The following UTRN variants were observed in gnomAD, a reference collection of about 807,000 sequenced individuals.
UTRN encodes dystrophin-related protein 1.
A neutral mutation model predicts 463.9 loss-of-function variants in UTRN; 283 were observed. That is an observed-to-expected ratio of 0.61 (90% CI 0.55 to 0.67). The LOEUF (loss-of-function observed/expected upper bound fraction) is 0.67, where lower values mean the gene tolerates loss of function less well. Ranked by LOEUF, UTRN falls within the 30% of genes least tolerant of loss-of-function variation. UTRN has a pLI of 0.00. For synonymous variants in UTRN, 1,442 were observed against 1,431.5 expected, an observed-to-expected ratio of 1.01 and a Z score of -0.17; for missense variants, 3,922 against 4,084.3, an observed-to-expected ratio of 0.96 and a Z score of 1.08.
intron 44 of UTRN, among the ~76,000 whole-genome samples, 173 bp downstream of exon 44, chr6:144,537,890 G>A (rs1797669321): frequency 6.6e-6 from 1 of 152,182 alleles, no homozygotes; most frequent in Non-Finnish European, 1.5e-5. Context: ...TATAATTTTG[G>A]TCTTGCAGAG....
At chr6:144,490,838 ATG>A in intron 31 of UTRN, 89 bp from the exon 32 acceptor site, 1 of 1,398,752 alleles carries the variant, frequency 7.1e-7, no homozygotes, top group Non-Finnish European at 9.5e-7. Flanking sequence ...TTGGTACTTT[ATG>A]GTACAAATTT....
intron 3 of UTRN, among the ~76,000 whole-genome samples, chr6:144,405,048 T>G (rs1584640646): frequency 6.6e-6 from 1 of 152,324 alleles, no homozygotes; most frequent in Non-Finnish European, 1.5e-5. Flanking sequence ...TTTTATCATT[T>G]TTAGTAAAAG....
In UTRN at chr6:144,437,596, G is replaced by T; in HGVS notation, c.1091G>T (p.Ser364Ile). 6.2e-7 allele frequency: 1 copy of T among 1,613,578 alleles called. No homozygotes were observed. Residue 364 changes from serine to isoleucine, a missense_variant, in exon 11 of 75, where the codon AGC becomes ATC. By Grantham distance (142) the Ser-to-Ile change is moderately radical. Around this residue, in one of 3 missense-constraint regions of UTRN, gnomAD observed 2,349 missense variants for 2,303.8 expected, o/e 1.02. Coordinates refer to ENST00000367545, the MANE Select transcript of UTRN (RefSeq NM_007124.3). ...AFMMELTAHQ[S>I]SVGSVLQAGN... ...ATGATGGAACTGACTGCACACCAGA[G>T]CAGTGTGGGCAGCGTCCTGCAGGCA... is the stretch of plus-strand genomic sequence containing the variant.
intron 2 of UTRN, among the ~76,000 whole-genome samples, chr6:144,388,925 C>T (rs1207780169): frequency 3.3e-5 from 5 of 152,204 alleles, no homozygotes; most frequent in African/African-American, 9.7e-5. Flanking sequence ...CCTGTCTGCT[C>T]TAATGTTGCA....
Position 144,340,023 on chromosome 6 carries a change from C to T in UTRN, c.79+48116C>T, listed in dbSNP as rs531864968. On this transcript the variant is annotated intron_variant, in intron 2 of 74. Coordinates refer to ENST00000367545, the MANE Select transcript of UTRN (RefSeq NM_007124.3). ...CTCTACTAGAAATATAAAAATTAGCCGGGCATGGTGGTGCCCACCCATAAT... is the reference window on the plus strand; with the variant it reads ...CTCTACTAGAAATATAAAAATTAGCTGGGCATGGTGGTGCCCACCCATAAT... Among the ~76,000 whole-genome samples, 22 of 152,240 alleles carry T rather than the reference C, an allele frequency of 1.4e-4. 1 individual carries two copies. In the South Asian group the frequency reaches 4.6e-3, roughly 32 times the overall value.
intron 2 of UTRN, among the ~76,000 whole-genome samples, chr6:144,315,828 C>T (rs981865378): frequency 3.9e-5 from 6 of 152,146 alleles, no homozygotes; most frequent in Non-Finnish European, 7.4e-5. Flanking sequence ...TGTTTGAATC[C>T]TTGGCATGAT....
chr6:144,550,861 G>C, intron 47 of UTRN, 104 bp from the exon 48 acceptor site: 1 of 936,766 alleles, frequency 1.1e-6, no homozygotes. Context: ...CTATGCCATA[G>C]AGGAGGAAAA....
chr6:144,778,292 A>G (rs564605841), intron 60 of UTRN, among the ~76,000 whole-genome samples: 5 of 152,262 alleles, frequency 3.3e-5, no homozygotes, highest in African/African-American at 1.2e-4. Flanking sequence ...TGTGGCAGGT[A>G]GAAGAAGGAA....
At chr6:144,367,614 T>G (rs1779621493) in intron 2 of UTRN, among the ~76,000 whole-genome samples, 2 of 152,196 alleles carry the variant, frequency 1.3e-5, no homozygotes, top group Non-Finnish European at 2.9e-5. Flanking sequence ...CATAGTAACC[T>G]ACTAGGTTAG....
intron 2 of UTRN, among the ~76,000 whole-genome samples, chr6:144,334,067 CTT>C (rs1776532393): frequency 6.6e-6 from 1 of 152,084 alleles, no homozygotes; most frequent in African/African-American, 2.4e-5. Context: ...GACAAATGCC[CTT>C]TTATTTTTTT....
rs533335839 is a variant in UTRN, at chr6:144,607,986, T to C, written c.7479+30698T>C. 8.9e-4 allele frequency among the ~76,000 whole-genome samples: 136 copies of C among 152,336 alleles called. 1 individual carries two copies. The South Asian group carries it at 0.026, about 29-fold the overall frequency. ...CTACTGCCTTCTAACACAAATCTTG[T>C]GTTCCCCAGATTTCATTTTCATCTC... On this transcript the variant is annotated intron_variant, in intron 51 of 74. Transcript: ENST00000367545.
intron 43 of UTRN, among the ~76,000 whole-genome samples, chr6:144,536,587 A>T (rs1219943077): frequency 6.6e-6 from 1 of 152,110 alleles, no homozygotes; most frequent in Non-Finnish European, 1.5e-5. Flanking sequence ...CTAATATTTT[A>T]TTACATGTAT....
chr6:144,391,434 T>G (rs1781913308), intron 2 of UTRN, among the ~76,000 whole-genome samples: 1 of 152,304 alleles, frequency 6.6e-6, no homozygotes, highest in Non-Finnish European at 1.5e-5. Flanking sequence ...GCCAATTTGA[T>G]TATGCGTAAT....
chr6:144,523,275 A>G (rs1376179769), intron 41 of UTRN, 87 bp downstream of exon 41: 2 of 1,064,028 alleles, frequency 1.9e-6, no homozygotes, highest in East Asian at 5.8e-5. Flanking sequence ...ACTGAGATTA[A>G]TGAGAACATG....
chr6:144,530,489 G>A (rs1796946886), intron 41 of UTRN, among the ~76,000 whole-genome samples: 1 of 152,018 alleles, frequency 6.6e-6, no homozygotes, highest in African/African-American at 2.4e-5. Context: ...TAGATAGAGG[G>A]GTATACGGGC....
intron 2 of UTRN, among the ~76,000 whole-genome samples, chr6:144,375,020 T>TC (rs1780335559): frequency 6.6e-6 from 1 of 151,622 alleles, no homozygotes; most frequent in African/African-American, 2.4e-5. Flanking sequence ...TGATGAACTA[T>TC]CCTTTCCATG....
At chr6:144,561,240 T>C (rs868759709) in intron 50 of UTRN, among the ~76,000 whole-genome samples, 4 of 78,062 alleles carry the variant, frequency 5.1e-5, no homozygotes, top group Non-Finnish European at 8.3e-5. Context: ...TATATATATA[T>C]ATATATATAT....
At position 144,777,149 on chromosome 6, in the gene UTRN, C is replaced by A. The variant is rs570671936; in HGVS notation, c.8632+2785C>A. Reference sequence around the variant, plus strand: ...CACAGAGCAGGGGTTGCTTAGGACACACTGAGTGAATGATTTGAGTTTGAA... The same window carrying A: ...CACAGAGCAGGGGTTGCTTAGGACAAACTGAGTGAATGATTTGAGTTTGAA... On this transcript the variant is annotated intron_variant, in intron 60 of 74. Coordinates refer to ENST00000367545, the MANE Select transcript of UTRN (RefSeq NM_007124.3). Among the ~76,000 whole-genome samples, 3 of 152,278 alleles carry A rather than the reference C, an allele frequency of 2.0e-5. No homozygotes were observed. The East Asian group carries it at 5.8e-4, about 29-fold the overall frequency.
At chr6:144,354,643 C>A (rs1366352002) in intron 2 of UTRN, among the ~76,000 whole-genome samples, 2 of 152,142 alleles carry the variant, frequency 1.3e-5, no homozygotes, top group African/African-American at 4.8e-5. Context: ...CCGGGCCTGT[C>A]CTCATGGTTC....
Sources: gnomAD v4.1 joint callset for allele counts (sites outside exome capture counted in the v4.1 genomes callset) on GRCh38, gnomAD v4.1.1 for gene constraint, gnomAD v4.1.1 regional missense constraint, MANE v1.5 for transcripts, NCBI Gene and HGNC (gene_info 2026-07-23, HGNC 2026-07-21) for gene names.